The following CCDC60 variants were observed in gnomAD, a reference collection of about 807,000 sequenced individuals.
CCDC60 encodes coiled-coil domain-containing protein 60.
In CCDC60, 54 loss-of-function variants were observed where a neutral mutation model predicts 63.5. The observed-to-expected ratio is 0.85, with a 90% CI of 0.68 to 1.07. CCDC60 has a LOEUF of 1.07. CCDC60 is among the 50% of genes least tolerant of loss of function. The probability of loss-of-function intolerance (pLI) is 0.00; values close to 1 mark genes in which losing one functional copy is unlikely to be tolerated. For missense variants in CCDC60, 651 were observed against 684.3 expected (o/e 0.95, Z 0.54); for synonymous variants, 206 against 238.8 (o/e 0.86, Z 1.27).
intron 1 of CCDC60, among the ~76,000 whole-genome samples, chr12:119,413,536 TATAGTGAG>T (rs1316904284): frequency 5.3e-5 from 8 of 152,178 alleles, no homozygotes; most frequent in Non-Finnish European, 1.2e-4. Flanking sequence ...GTACTCCTGG[TATAGTGAG>T]AGTAATAGTG....
At chr12:119,504,937 G>A (rs1356853986) in intron 6 of CCDC60, 132 bp from the exon 7 acceptor site, 4 of 624,600 alleles carry the variant, frequency 6.4e-6, no homozygotes, top group Non-Finnish European at 1.1e-5. Flanking sequence ...GAGCCAGAAG[G>A]AATTCACAGT....
Position 119,516,635 on chromosome 12 carries a change from T to C in CCDC60, c.896T>C (p.Leu299Pro), listed in dbSNP as rs763785218. ...EEPLYMNLQK[L>P]LEMVREDARR... ...ATATTCTCATCAGATCTGCAGAAGCTCCTGGAGATGGTTCGGGAAGATGCC... is the reference window on the plus strand; with the variant it reads ...ATATTCTCATCAGATCTGCAGAAGCCCCTGGAGATGGTTCGGGAAGATGCC... Residue 299 changes from leucine (L) to proline (P), a missense_variant, in exon 8 of 14, where the codon CTC becomes CCC. By Grantham distance (98) the Leu-to-Pro change is moderately conservative. Coordinates refer to ENST00000327554, the MANE Select transcript of CCDC60 (RefSeq NM_178499.5). 1 of 1,613,414 alleles carries C rather than the reference T, an allele frequency of 6.2e-7. No individual in the cohort carries two copies.
At chr12:119,386,086 T>C (rs1956057565) in intron 1 of CCDC60, among the ~76,000 whole-genome samples, 2 of 152,326 alleles carry the variant, frequency 1.3e-5, no homozygotes, top group South Asian at 2.1e-4. Flanking sequence ...CATTTATTTG[T>C]TGAATGAATA....
intron 1 of CCDC60, among the ~76,000 whole-genome samples, chr12:119,416,207 C>T (rs561267766): frequency 9.9e-5 from 15 of 152,112 alleles, no homozygotes; most frequent in Non-Finnish European, 1.8e-4. Flanking sequence ...CATGGAGAAA[C>T]CCATCTCTAC....
chr12:119,428,864 A>G (rs941077883), intron 2 of CCDC60, 102 bp downstream of exon 2: 38 of 714,820 alleles, frequency 5.3e-5, no homozygotes, highest in African/African-American at 4.4e-4. Context: ...GCATCCCCCA[A>G]TTCTGAACAC....
chr12:119,361,913 TGAGGG>T (rs1955795073), intron 1 of CCDC60, among the ~76,000 whole-genome samples: 1 of 152,214 alleles, frequency 6.6e-6, no homozygotes, highest in Admixed American at 6.5e-5. Flanking sequence ...CATAGTTTAA[TGAGGG>T]GAGTGATCAT....
chr12:119,378,508 A>G (rs1439665464), intron 1 of CCDC60, among the ~76,000 whole-genome samples: 1 of 152,160 alleles, frequency 6.6e-6, no homozygotes, highest in Non-Finnish European at 1.5e-5. Flanking sequence ...ACCTCAATTA[A>G]TCTTTACAGC....
chr12:119,507,551 CATATATAT>C (rs781735897), intron 7 of CCDC60, among the ~76,000 whole-genome samples: 2 of 68,852 alleles, frequency 2.9e-5, no homozygotes, highest in Non-Finnish European at 4.6e-5. Flanking sequence ...CATATATATA[CATATATAT>C]ATATATATAT....
At chr12:119,480,784 A>T (rs1951292195) in intron 4 of CCDC60, among the ~76,000 whole-genome samples, 1 of 151,070 alleles carries the variant, frequency 6.6e-6, no homozygotes, top group African/African-American at 2.4e-5. Context: ...CATCATCACC[A>T]TCATCATCAC....
intron 3 of CCDC60, among the ~76,000 whole-genome samples, chr12:119,475,287 T>C (rs1231978975): frequency 6.6e-6 from 1 of 152,226 alleles, no homozygotes; most frequent in Non-Finnish European, 1.5e-5. Flanking sequence ...ATGGTGTCTA[T>C]GAAAGACACT....
At chr12:119,396,963 T>G (rs554963968) in intron 1 of CCDC60, among the ~76,000 whole-genome samples, 3 of 152,228 alleles carry the variant, frequency 2.0e-5, no homozygotes, top group African/African-American at 7.2e-5. Context: ...GATGTTCAGA[T>G]GTGTCCAGAG....
At chr12:119,505,035 T>G in intron 6 of CCDC60, 34 bp from the exon 7 acceptor site, 1 of 1,494,846 alleles carries the variant, frequency 6.7e-7, no homozygotes, top group Middle Eastern at 1.8e-4. Context: ...TTCCCCCTCC[T>G]TCCTGAAACC....
Position 119,518,890 on chromosome 12 carries a change from C to T in CCDC60, c.969-1231C>T, listed in dbSNP as rs143263438. Among the ~76,000 whole-genome samples, 1,403 of 152,232 alleles carry T rather than the reference C, an allele frequency of 9.2e-3. 10 individuals are homozygous for T. The highest frequency in any genetic ancestry group is 0.015 in the Non-Finnish European group (1,023 of 68,020). ...CTTCAAAGACAAAACCACTCTAGAC[C>T]CTGGCTCTCATGAGACCATCACATG... On this transcript the variant is annotated intron_variant, in intron 8 of 13. Transcript: ENST00000327554.
chr12:119,459,999 A>C, intron 2 of CCDC60, among the ~76,000 whole-genome samples: 1 of 152,226 alleles, frequency 6.6e-6, no homozygotes, highest in Non-Finnish European at 1.5e-5. Flanking sequence ...AGATGAACCC[A>C]TGGGGCAATT....
intron 1 of CCDC60, among the ~76,000 whole-genome samples, chr12:119,381,879 G>T (rs1956010945): frequency 6.6e-6 from 1 of 152,202 alleles, no homozygotes; most frequent in Admixed American, 6.5e-5. Flanking sequence ...GACATGGGGA[G>T]GTGCCTGTGC....
At chr12:119,385,480 G>C (rs1042000719) in intron 1 of CCDC60, among the ~76,000 whole-genome samples, 1 of 152,190 alleles carries the variant, frequency 6.6e-6, no homozygotes, top group Admixed American at 6.5e-5. Flanking sequence ...GTTTTATAAA[G>C]GGTTTCCCCC....
At position 119,364,936 on chromosome 12, in the gene CCDC60, G is replaced by A. The variant is rs1184426388; in HGVS notation, c.90+29670G>A. On this transcript the variant is annotated intron_variant, in intron 1 of 13. Coordinates refer to ENST00000327554, the MANE Select transcript of CCDC60 (RefSeq NM_178499.5). ...TGGGAGTGAATGATGTGAAGATGGAGACAGGCTCTGAGGTGTATAGAAAAC... is the reference window on the plus strand; with the variant it reads ...TGGGAGTGAATGATGTGAAGATGGAAACAGGCTCTGAGGTGTATAGAAAAC... Among the ~76,000 whole-genome samples the A allele has an allele frequency of 2.6e-5, 4 of 152,120 alleles. No homozygotes were observed. In the East Asian group the frequency reaches 7.7e-4, roughly 29 times the overall value.
At chr12:119,340,288 C>T (rs1211100234) in intron 1 of CCDC60, among the ~76,000 whole-genome samples, 1 of 152,092 alleles carries the variant, frequency 6.6e-6, no homozygotes, top group Non-Finnish European at 1.5e-5. Context: ...TAGAACAGAG[C>T]CTGGCATACA....
At position 119,540,822 on chromosome 12, in the gene CCDC60, T is replaced by C; in HGVS notation, c.*107T>C. ...TCCTGACTACCCTCATGGATGCTCT[T>C]TATGGATGACCCTTTACAGTAGGGT... On this transcript the variant is annotated 3_prime_UTR_variant, in exon 14 of 14. Transcript: ENST00000327554. 1 of 760,092 alleles carries C rather than the reference T, an allele frequency of 1.3e-6. No individual in the cohort carries two copies. The highest frequency in any genetic ancestry group is 2.2e-6 in the Non-Finnish European group (1 of 454,442). 47.1% of individuals were successfully genotyped at this position (760,092 alleles called of 1,614,324 possible).
Sources: gnomAD v4.1 joint callset for allele counts (sites outside exome capture counted in the v4.1 genomes callset) on GRCh38, gnomAD v4.1.1 for gene constraint, MANE v1.5 for transcripts, NCBI Gene and HGNC (gene_info 2026-07-23, HGNC 2026-07-21) for gene names.